The following KSR2 variants were observed in gnomAD, a reference collection of about 807,000 sequenced individuals.
KSR2 encodes the protein kinase suppressor of ras 2.
A neutral mutation model predicts 107.8 loss-of-function variants in KSR2; 25 were observed. That is an observed-to-expected ratio of 0.23 (90% CI 0.17 to 0.32). The LOEUF (loss-of-function observed/expected upper bound fraction) is 0.32, where lower values mean the gene tolerates loss of function less well. KSR2 is among the 10% of genes least tolerant of loss of function. KSR2 has a pLI of 1.00. For synonymous variants in KSR2, 480 were observed against 507.0 expected (o/e 0.95, Z 0.71); for missense variants, 887 against 1,268.9 (o/e 0.70, Z 4.57).
chr12:117,753,957 T>C (rs1404313653), intron 4 of KSR2, among the ~76,000 whole-genome samples: 1 of 87,944 alleles, frequency 1.1e-5, no homozygotes, highest in African/African-American at 3.8e-5. Flanking sequence ...CGTGTGTGTG[T>C]GTGTGTGTGT....
chr12:117,928,593 C>A (rs1895607102), intron 1 of KSR2, among the ~76,000 whole-genome samples: 1 of 152,144 alleles, frequency 6.6e-6, no homozygotes, highest in African/African-American at 2.4e-5. Flanking sequence ...TTGGTTCCAC[C>A]TTTTAGCTAT....
chr12:117,729,667 A>G (rs1232938969), intron 4 of KSR2, among the ~76,000 whole-genome samples: 2 of 152,214 alleles, frequency 1.3e-5, no homozygotes, highest in East Asian at 1.9e-4. Context: ...AAACCATTTA[A>G]CCATGCATCC....
chr12:117,790,741 T>A (rs757341104), intron 3 of KSR2, among the ~76,000 whole-genome samples: 3 of 152,188 alleles, frequency 2.0e-5, no homozygotes, highest in Non-Finnish European at 4.4e-5. Flanking sequence ...ATGGTTTATT[T>A]TCCCTTCACG....
intron 5 of KSR2, among the ~76,000 whole-genome samples, chr12:117,620,157 C>T (rs1302731312): frequency 1.3e-5 from 2 of 152,006 alleles, no homozygotes; most frequent in African/African-American, 2.4e-5. Context: ...AAAGACTTGC[C>T]TGAGGTTAAT....
chr12:117,533,302 C>T (rs1482150436), intron 10 of KSR2, among the ~76,000 whole-genome samples: 1 of 152,240 alleles, frequency 6.6e-6, no homozygotes, highest in Non-Finnish European at 1.5e-5. Flanking sequence ...TCTTTCAGGA[C>T]AGGGAGTAAG....
chr12:117,578,071 G>T (rs1879397378), intron 7 of KSR2, among the ~76,000 whole-genome samples: 1 of 152,122 alleles, frequency 6.6e-6, no homozygotes, highest in South Asian at 2.1e-4. Flanking sequence ...GAAGAGAAAG[G>T]AAGCTTGGGG....
chr12:117,527,231 T>C (rs778820829), intron 12 of KSR2, 112 bp from the exon 13 acceptor site: 14 of 740,578 alleles, frequency 1.9e-5, no homozygotes, highest in Non-Finnish European at 3.1e-5. Flanking sequence ...ACCAAGTCTT[T>C]ATCTCACATT....
chr12:117,680,563 C>T (rs577486518), intron 4 of KSR2, among the ~76,000 whole-genome samples: 4 of 152,290 alleles, frequency 2.6e-5, no homozygotes, highest in South Asian at 2.1e-4. Context: ...TCCTCTCCTC[C>T]TCTCCAAGTC....
rs946664485 is a variant in KSR2 at position 117,715,141 on chromosome 12, G to C, written c.986+45870C>G. Among the ~76,000 whole-genome samples the C allele has an allele frequency of 2.0e-4, 30 of 152,152 alleles. 2 individuals are homozygous for C. The highest frequency in any genetic ancestry group is 1.3e-4 in the Admixed American group (2 of 15,270). ...CATTCACAATTCCACAGTGGCAAAAGAGACACAATTTTCTTATTAAAGGGC... is the reference window on the plus strand; with the variant it reads ...CATTCACAATTCCACAGTGGCAAAACAGACACAATTTTCTTATTAAAGGGC... On this transcript the variant is annotated intron_variant, in intron 4 of 19. Transcript: ENST00000339824.
intron 3 of KSR2, among the ~76,000 whole-genome samples, chr12:117,798,608 G>T (rs1409081763): frequency 6.6e-6 from 1 of 151,850 alleles, no homozygotes; most frequent in Non-Finnish European, 1.5e-5. Flanking sequence ...ACTCCAGCCT[G>T]GGCAACAGAG....
chr12:117,803,610 G>T (rs889478967), intron 3 of KSR2, among the ~76,000 whole-genome samples: 7 of 152,170 alleles, frequency 4.6e-5, no homozygotes, highest in Non-Finnish European at 8.8e-5. Context: ...GGCTGAGGCA[G>T]GAGAATGGCA....
At position 117,859,308 on chromosome 12, in the gene KSR2, G is replaced by A. The variant is rs140127237; in HGVS notation, c.321+983C>T. 4.2e-3 allele frequency among the ~76,000 whole-genome samples: 640 copies of A among 151,926 alleles called. 3 individuals carry two copies. The highest frequency in any genetic ancestry group is 0.014 in the African/African-American group (599 of 41,462). ...CTGCAGGCGTGCACCACCATGCCCGGCTAATTTTTGTACTTTCAGTAGAGA... is the reference window on the plus strand; with the variant it reads ...CTGCAGGCGTGCACCACCATGCCCGACTAATTTTTGTACTTTCAGTAGAGA... On this transcript the variant is annotated intron_variant, in intron 2 of 19. Coordinates refer to ENST00000339824, the MANE Select transcript of KSR2 (RefSeq NM_173598.6).
At chr12:117,888,154 G>A (rs1012801254) in intron 1 of KSR2, among the ~76,000 whole-genome samples, 3 of 152,118 alleles carry the variant, frequency 2.0e-5, no homozygotes, top group Non-Finnish European at 4.4e-5. Context: ...GCATTCTTCA[G>A]TTTTCATTTA....
rs568562815 is a variant in KSR2 at position 117,791,488 on chromosome 12, A to G, written c.473-29964T>C. 2.1e-4 allele frequency among the ~76,000 whole-genome samples: 32 copies of G among 152,358 alleles called. No individual in the cohort carries two copies. In the South Asian group the frequency reaches 3.3e-3, roughly 16 times the overall value. On this transcript the variant is annotated intron_variant, in intron 3 of 19. Coordinates refer to ENST00000339824, the MANE Select transcript of KSR2 (RefSeq NM_173598.6). Reference sequence around the variant, plus strand: ...TGCCTAGAATGGAGTTTGTTACATTATAATGGATCCTCGAATATTTACTGA... The same window carrying G: ...TGCCTAGAATGGAGTTTGTTACATTGTAATGGATCCTCGAATATTTACTGA...
chr12:117,893,840 T>C (rs1424195895), intron 1 of KSR2, among the ~76,000 whole-genome samples: 1 of 151,692 alleles, frequency 6.6e-6, no homozygotes, highest in Non-Finnish European at 1.5e-5. Context: ...CCAAGATAAA[T>C]ATATTTTAAC....
At chr12:117,920,645 A>G (rs1895312512) in intron 1 of KSR2, among the ~76,000 whole-genome samples, 1 of 152,132 alleles carries the variant, frequency 6.6e-6, no homozygotes, top group African/African-American at 2.4e-5. Flanking sequence ...TGTTTTTTAG[A>G]TACAGAAATT....
At chr12:117,960,286 C>T (rs553360328) in intron 1 of KSR2, among the ~76,000 whole-genome samples, 4 of 152,118 alleles carry the variant, frequency 2.6e-5, no homozygotes, top group African/African-American at 9.7e-5. Context: ...TATATTGTGA[C>T]ATTAGATTGT....
Position 117,514,124 on chromosome 12 carries a change from C to T in KSR2, c.2219+10728G>A, listed in dbSNP as rs569877589. Among the ~76,000 whole-genome samples the T allele has an allele frequency of 9.8e-5, 15 of 152,376 alleles. No individual in the cohort carries two copies. In the South Asian group the frequency reaches 3.1e-3, roughly 32 times the overall value. ...ATGTTGCCCACACTTGCCTTCAAAA[C>T]ATGCAAATGCAGCTGGCTATTTTTA... is the stretch of plus-strand genomic sequence containing the variant. On this transcript the variant is annotated intron_variant, in intron 14 of 19. Transcript: ENST00000339824.
chr12:117,663,047 G>A (rs1884504527), intron 5 of KSR2, among the ~76,000 whole-genome samples: 1 of 152,158 alleles, frequency 6.6e-6, no homozygotes, highest in African/African-American at 2.4e-5. Flanking sequence ...TAGTCAATGT[G>A]GGTGCTGCTT....
Sources: allele counts gnomAD v4.1 joint callset (sites outside exome capture counted in the v4.1 genomes callset), GRCh38; gene constraint gnomAD v4.1.1; transcripts MANE v1.5; gene names NCBI Gene and HGNC (gene_info 2026-07-23, HGNC 2026-07-21).